The following BOK variants were observed in gnomAD, a reference collection of about 807,000 sequenced individuals.
The protein encoded by BOK is bcl-2-related ovarian killer protein.
A neutral mutation model predicts 18.3 loss-of-function variants in BOK; 20 were observed. The observed-to-expected ratio is 1.09, with a 90% confidence interval of 0.77 to 1.59. BOK has a LOEUF of 1.59. Among genes scored for constraint, BOK ranks in the 40% most tolerant of loss-of-function variants. The pLI is 0.00. For missense variants in BOK, 348 were observed against 307.9 expected (o/e 1.13, Z -0.97); for synonymous variants, 173 against 142.4 (o/e 1.21, Z -1.53).
chr2:241,551,735 C>A (rs2066415879), intron 1 of BOK, among the ~76,000 whole-genome samples: 1 of 152,174 alleles, frequency 6.6e-6, no homozygotes, highest in Admixed American at 6.5e-5. Context: ...AGGGGGGTCC[C>A]TCCGCCCAGG....
chr2:241,563,009 G>T (rs1425086601), intron 3 of BOK, among the ~76,000 whole-genome samples: 1 of 152,224 alleles, frequency 6.6e-6, no homozygotes, highest in Non-Finnish European at 1.5e-5. Flanking sequence ...TCCAGGAGAG[G>T]GGAGAGCATG....
chr2:241,559,546 G>A lies in BOK; in HGVS notation c.63G>A (p.Ser21=). Residue 21 remains serine, a synonymous_variant, in exon 2 of 5, where the codon TCG becomes TCA. Transcript: ENST00000318407. ...AAEIMDAFDR[S]PTDKELVAQA... is the part of the protein sequence containing the mutation. ...AGATCATGGACGCCTTTGACCGCTCGCCCACAGACAAGGAGCTGGTGGCCC... is the reference window on the plus strand; with the variant it reads ...AGATCATGGACGCCTTTGACCGCTCACCCACAGACAAGGAGCTGGTGGCCC... The A allele has an allele frequency of 6.6e-7, 1 of 1,526,246 alleles. No individual in the cohort carries two copies. The highest frequency in any genetic ancestry group is 8.7e-7 in the Non-Finnish European group (1 of 1,145,934). 94.5% of individuals were successfully genotyped at this position (1,526,246 alleles called of 1,614,324 possible). A position where few individuals can be genotyped will look rare whatever the true frequency, so the allele number is the denominator to read the frequency against.
At chr2:241,559,771 G>A in intron 2 of BOK, 68 bp downstream of exon 2, 1 of 1,268,374 alleles carries the variant, frequency 7.9e-7, no homozygotes, top group Non-Finnish European at 9.9e-7. Flanking sequence ...TCCCTCCGAG[G>A]CCGAGATGGG....
At position 241,569,685 on chromosome 2, in the gene BOK, G is replaced by T. The variant is rs184576087; in HGVS notation, c.350-440G>T. ...CACCATCTTTCGTCCTCTCTTTCAA[G>T]GCTGCTCCCATCTCAGTTCAGCCTC... On this transcript the variant is annotated intron_variant, in intron 3 of 4. Transcript: ENST00000318407. 2.0e-5 allele frequency among the ~76,000 whole-genome samples: 3 copies of T among 152,092 alleles called. No homozygotes were observed. The East Asian group carries it at 5.8e-4, about 30-fold the overall frequency.
intron 1 of BOK, among the ~76,000 whole-genome samples, chr2:241,553,472 G>A (rs894308497): frequency 2.0e-5 from 3 of 152,172 alleles, no homozygotes; most frequent in Non-Finnish European, 2.9e-5. Flanking sequence ...AATTTATAAA[G>A]AAAAGAGATT....
chr2:241,557,308 C>CTTTT (rs59048690), upstream of BOK, among the ~76,000 whole-genome samples: 30 of 126,752 alleles, frequency 2.4e-4, no homozygotes, highest in African/African-American at 7.7e-4. Flanking sequence ...TTTCTTTTTC[C>CTTTT]TTTTTTTTTT....
At chr2:241,551,477 G>A (rs2066413503) in exon 1 of BOK, 1 of 152,268 alleles carries the variant, frequency 6.6e-6, no homozygotes, top group Admixed American at 6.5e-5. Context: ...GCTCACTGCA[G>A]GTAGGAAGCA....
In BOK at chr2:241,559,604, G is replaced by T; in HGVS notation, c.121G>T (p.Ala41Ser). The T allele has an allele frequency of 6.7e-7, 1 of 1,486,458 alleles. No homozygotes were observed. Among genetic ancestry groups the T allele is most frequent in the Non-Finnish European group, 8.9e-7 (1 of 1,125,822 alleles). The allele number at this position is 1,486,458 out of a possible 1,614,324, so 92.1% of individuals were successfully genotyped here. Residue 41 changes from alanine to serine, a missense_variant, in exon 2 of 5, where the codon GCG becomes TCG. By Grantham distance (99) the Ala-to-Ser change is moderately conservative (BLOSUM62 1). Coordinates refer to ENST00000318407, the MANE Select transcript of BOK (RefSeq NM_032515.5). ...AKALGREYVHARLLRAGLSWS... is the reference protein window; with the variant it reads ...AKALGREYVHSRLLRAGLSWS... ...GGCGCTGGGCCGGGAGTACGTGCAC[G>T]CGCGGCTGCTGCGCGCCGGCCTCTC...
chr2:241,553,452 G>A (rs2066428517), intron 1 of BOK, among the ~76,000 whole-genome samples: 1 of 152,122 alleles, frequency 6.6e-6, no homozygotes, highest in South Asian at 2.1e-4. Context: ...GCATCCAGCC[G>A]AGACTGGGTA....
At chr2:241,559,952 A>G (rs2066501703) in intron 2 of BOK, 2 of 652,036 alleles carry the variant, frequency 3.1e-6, no homozygotes, top group East Asian at 1.4e-4. Context: ...AACAATAGAA[A>G]GCTCCAGAAA....
upstream of BOK, among the ~76,000 whole-genome samples, chr2:241,554,785 G>T (rs1317837797): frequency 6.6e-6 from 1 of 152,194 alleles, no homozygotes; most frequent in Non-Finnish European, 1.5e-5. Flanking sequence ...ATCCAGCTAT[G>T]CCTGAAACCA....
At position 241,564,769 on chromosome 2, in the gene BOK, C is replaced by T. The variant is rs115999026; in HGVS notation, c.349+2293C>T. 3.0e-3 allele frequency among the ~76,000 whole-genome samples: 459 copies of T among 152,078 alleles called. 1 individual carries two copies. The highest frequency in any genetic ancestry group is 0.011 in the African/African-American group (452 of 41,466). Reference sequence around the variant, plus strand: ...CCACTCTCAGCCCTCCCTTGGCCGACGCCGGCGCGTGGGTGGCCACCCGGG... The same window carrying T: ...CCACTCTCAGCCCTCCCTTGGCCGATGCCGGCGCGTGGGTGGCCACCCGGG... On this transcript the variant is annotated intron_variant, in intron 3 of 4. Transcript: ENST00000318407.
chr2:241,561,879 C>T (rs941847586), intron 2 of BOK, among the ~76,000 whole-genome samples: 8 of 152,140 alleles, frequency 5.3e-5, no homozygotes, highest in African/African-American at 1.9e-4. Context: ...CACCCCAATG[C>T]TTTCTCTGCC....
intron 1 of BOK, among the ~76,000 whole-genome samples, chr2:241,552,237 A>G (rs1471751877): frequency 2.6e-5 from 4 of 152,132 alleles, no homozygotes; most frequent in South Asian, 2.1e-4. Flanking sequence ...GAACTGGCCA[A>G]TGAGAATGTC....
chr2:241,558,406 T>C (rs116313810), upstream of BOK, among the ~76,000 whole-genome samples: 1 of 152,188 alleles, frequency 6.6e-6, no homozygotes, highest in Non-Finnish European at 1.5e-5. Context: ...GAGGAAGATA[T>C]TTGCAATAAC....
Position 241,559,639 on chromosome 2 carries a change from GC to G in BOK, c.159del (p.Glu54SerfsTer26). The stretch of plus-strand genomic sequence containing the variant: ...TGCGCGCCGGCCTCTCCTGGAGCGC[GC>G]CCGAGCGTGCCGCGCCGGTCCCGGG... ...LLRAGLSWSA[P>X]ERAAPVPGRL... is the part of the protein sequence containing the mutation. On this transcript the variant is annotated frameshift_variant, in exon 2 of 5. Transcript: ENST00000318407. LOFTEE classifies it high-confidence loss of function. 1 of 1,411,214 alleles carries G rather than the reference GC, an allele frequency of 7.1e-7. No homozygotes were observed. The highest frequency in any genetic ancestry group is 9.2e-7 in the Non-Finnish European group (1 of 1,090,948). 87.4% of individuals were successfully genotyped at this position (1,411,214 alleles called of 1,614,324 possible).
chr2:241,572,674 CTG>C lies in BOK; in HGVS notation c.*256_*257del, dbSNP rs1396361989. 1.2e-5 allele frequency: 7 copies of C among 562,586 alleles called. No homozygotes were observed. The highest frequency in any genetic ancestry group is 2.2e-5 in the Non-Finnish European group (7 of 318,262). The allele number at this position is 562,586 out of a possible 1,614,324, so 34.8% of individuals were successfully genotyped here. A position where few individuals can be genotyped will look rare whatever the true frequency, so the allele number is the denominator to read the frequency against. On this transcript the variant is annotated 3_prime_UTR_variant, in exon 5 of 5. Transcript: ENST00000318407. ...GCTTGTGTCCCTTCTCCTGTGATCT[CTG>C]TGTTTTCCCTTTTCTTTCTGGGGCC...
At chr2:241,569,001 C>T (rs548745588) in intron 3 of BOK, among the ~76,000 whole-genome samples, 2 of 152,142 alleles carry the variant, frequency 1.3e-5, no homozygotes, top group Admixed American at 6.5e-5. Flanking sequence ...TAACTCCCTG[C>T]GGGGATCACT....
At chr2:241,558,462 T>C (rs1315808910), upstream of BOK, among the ~76,000 whole-genome samples, 4 of 152,348 alleles carry the variant, frequency 2.6e-5, no homozygotes, top group East Asian at 7.7e-4. Flanking sequence ...ACAAAGGGCA[T>C]GCGTCCGGAC....
Sources: allele counts gnomAD v4.1 joint callset (sites outside exome capture counted in the v4.1 genomes callset), GRCh38; gene constraint gnomAD v4.1.1; transcripts MANE v1.5; gene names NCBI Gene and HGNC (gene_info 2026-07-23, HGNC 2026-07-21).